Variants in MSH3 observed in about 807,000 individuals in gnomAD.
MSH3 encodes the protein mutS homolog 3.
Under a neutral mutation model 123.3 loss-of-function variants are expected in MSH3, and 106 were observed. The observed-to-expected ratio is 0.86, with a 90% CI of 0.73 to 1.01. MSH3 has a LOEUF of 1.01. Ranked by LOEUF, MSH3 falls within the 50% of genes least tolerant of loss-of-function variation. MSH3 has a pLI of 0.00. For synonymous variants in MSH3, 515 were observed against 481.4 expected (o/e 1.07, Z -0.91); for missense variants, 1,459 against 1,347.6 (o/e 1.08, Z -1.29).
chr5:80,705,536 C>T (rs1393561512), intron 8 of MSH3, among the ~76,000 whole-genome samples: 1 of 152,200 alleles, frequency 6.6e-6, no homozygotes, highest in Non-Finnish European at 1.5e-5. Flanking sequence ...CTGTCTCTCT[C>T]AATAGGTGTT....
At chr5:80,825,717 A>G (rs1294095574) in intron 20 of MSH3, among the ~76,000 whole-genome samples, 1 of 152,236 alleles carries the variant, frequency 6.6e-6, no homozygotes, top group African/African-American at 2.4e-5. Flanking sequence ...CTTAAAATAG[A>G]TTAGAATAAG....
intron 10 of MSH3, among the ~76,000 whole-genome samples, chr5:80,733,036 T>C (rs973637546): frequency 3.9e-5 from 6 of 152,126 alleles, no homozygotes; most frequent in South Asian, 2.1e-4. Flanking sequence ...CTAAAATTCA[T>C]AGGATTCATA....
intron 20 of MSH3, among the ~76,000 whole-genome samples, chr5:80,816,198 A>G (rs1200736770): frequency 1.3e-5 from 2 of 152,248 alleles, no homozygotes; most frequent in African/African-American, 2.4e-5. Flanking sequence ...GGAGAAAATC[A>G]GCATTAACCA....
At chr5:80,659,660 T>C (rs1749383788) in intron 2 of MSH3, among the ~76,000 whole-genome samples, 1 of 152,198 alleles carries the variant, frequency 6.6e-6, no homozygotes, top group South Asian at 2.1e-4. Context: ...CCTAGACATT[T>C]TTAAGTATAC....
chr5:80,785,787 T>C (rs1435044501), intron 17 of MSH3, among the ~76,000 whole-genome samples: 4 of 152,090 alleles, frequency 2.6e-5, no homozygotes, highest in African/African-American at 7.2e-5. Context: ...GTGGCACATA[T>C]ACACCATGGA....
chr5:80,792,252 A>C (rs1310431100), intron 18 of MSH3, among the ~76,000 whole-genome samples: 2 of 152,102 alleles, frequency 1.3e-5, no homozygotes, highest in African/African-American at 2.4e-5. Context: ...TGAAGAATAA[A>C]GCCCAGCATG....
At chr5:80,765,954 T>C (rs115464191) in intron 13 of MSH3, among the ~76,000 whole-genome samples, 311 of 152,338 alleles carry the variant, frequency 2.0e-3, no homozygotes, top group Non-Finnish European at 3.9e-3. Context: ...TATAAAATTC[T>C]AGGTTTTAGA....
chr5:80,841,511 A>G (rs977508812), intron 20 of MSH3, among the ~76,000 whole-genome samples: 4 of 152,270 alleles, frequency 2.6e-5, no homozygotes, highest in East Asian at 1.9e-4. Context: ...ACTAGTTTAC[A>G]CTCCCACCAA....
chr5:80,819,541 C>T (rs1181048804), intron 20 of MSH3, among the ~76,000 whole-genome samples: 3 of 150,176 alleles, frequency 2.0e-5, no homozygotes, highest in South Asian at 2.1e-4. Flanking sequence ...TGCAATGACA[C>T]GATCCCAGGA....
chr5:80,864,740 A>G (rs2112118200), intron 21 of MSH3, 73 bp from the exon 22 acceptor site: 12 of 1,398,300 alleles, frequency 8.6e-6, no homozygotes, highest in Non-Finnish European at 1.1e-5. Context: ...TTTTCAAAAG[A>G]AAGTGGAAGA....
chr5:80,725,863 A>G (rs1256440378), intron 9 of MSH3, among the ~76,000 whole-genome samples: 2 of 152,204 alleles, frequency 1.3e-5, no homozygotes, highest in Non-Finnish European at 2.9e-5. Context: ...AAAAACAAAA[A>G]GAACCATTGC....
rs545203248 is a variant in MSH3, at chr5:80,686,067, C to T, written c.1340+6974C>T. 1.1e-4 allele frequency among the ~76,000 whole-genome samples: 17 copies of T among 152,250 alleles called. 1 individual carries two copies. The highest frequency in any genetic ancestry group is 1.0e-3 in the Admixed American group (16 of 15,288). ...TTTTAAGACTTGTTTTGTGACCTAACATATGATCTAATCTCGAGAATGTTT... is the reference window on the plus strand; with the variant it reads ...TTTTAAGACTTGTTTTGTGACCTAATATATGATCTAATCTCGAGAATGTTT... On this transcript the variant is annotated intron_variant, in intron 8 of 23. Coordinates refer to ENST00000265081, the MANE Select transcript of MSH3 (RefSeq NM_002439.5).
In MSH3 at chr5:80,859,448, A is replaced by G. The variant is rs75771551; in HGVS notation, c.3000+5132A>G. Among the ~76,000 whole-genome samples, 336 of 152,228 alleles carry G rather than the reference A, an allele frequency of 2.2e-3. 1 individual carries two copies. Among genetic ancestry groups the G allele is most frequent in the African/African-American group, 6.5e-3 (270 of 41,546 alleles). On this transcript the variant is annotated intron_variant, in intron 21 of 23. Transcript: ENST00000265081. Reference sequence around the variant, plus strand: ...GCCCCTCCATATATTTTTAATATGTAGTTATTTTTATATTTAAGGTGAGTT... The same window carrying G: ...GCCCCTCCATATATTTTTAATATGTGGTTATTTTTATATTTAAGGTGAGTT...
At chr5:80,825,490 T>C (rs1303114690) in intron 20 of MSH3, among the ~76,000 whole-genome samples, 2 of 152,240 alleles carry the variant, frequency 1.3e-5, no homozygotes, top group African/African-American at 4.8e-5. Flanking sequence ...TATATTACTA[T>C]TCCCTCATTT....
intron 12 of MSH3, among the ~76,000 whole-genome samples, chr5:80,748,730 A>C (rs942496248): frequency 3.8e-5 from 5 of 132,638 alleles, no homozygotes; most frequent in Admixed American, 7.8e-5. Context: ...ACACACACAC[A>C]CACCCATATG....
intron 21 of MSH3, among the ~76,000 whole-genome samples, chr5:80,861,899 A>G (rs535360224): frequency 1.3e-5 from 2 of 152,186 alleles, no homozygotes; most frequent in Admixed American, 6.5e-5. Flanking sequence ...TTACAGATCT[A>G]AAGAGTTGAT....
chr5:80,721,323 G>A (rs6151717), intron 8 of MSH3, among the ~76,000 whole-genome samples: 1 of 152,214 alleles, frequency 6.6e-6, no homozygotes, highest in Admixed American at 6.5e-5. Flanking sequence ...CTCAGGGTAA[G>A]ATTTGTCCTA....
intron 10 of MSH3, among the ~76,000 whole-genome samples, chr5:80,734,628 T>C (rs1743470304): frequency 6.6e-6 from 1 of 152,140 alleles, no homozygotes; most frequent in East Asian, 1.9e-4. Flanking sequence ...GGTTGGAGAG[T>C]GTTCCAAGCC....
intron 20 of MSH3, among the ~76,000 whole-genome samples, chr5:80,848,842 CTT>C: frequency 6.6e-6 from 1 of 152,302 alleles, no homozygotes; most frequent in Middle Eastern, 3.4e-3. Flanking sequence ...AATCTCGTAT[CTT>C]CACATTCAGA....
Sources: gnomAD v4.1 joint callset for allele counts (sites outside exome capture counted in the v4.1 genomes callset) on GRCh38, gnomAD v4.1.1 for gene constraint, MANE v1.5 for transcripts, NCBI Gene and HGNC (gene_info 2026-07-23, HGNC 2026-07-21) for gene names.